GAB1: variants seen among roughly 807,000 people sequenced by gnomAD.
GAB1 encodes GRB2-associated-binding protein 1.
A neutral mutation model predicts 66.5 loss-of-function variants in GAB1; 19 were observed. The observed-to-expected ratio is 0.29, with a 90% CI of 0.20 to 0.42. The LOEUF (loss-of-function observed/expected upper bound fraction) is 0.42, where lower values mean the gene tolerates loss of function less well. Among genes scored for constraint, GAB1 ranks in the 10% least tolerant of loss-of-function variants. GAB1 has a pLI of 1.00. For synonymous variants in GAB1, 294 were observed against 301.4 expected (o/e 0.98, Z 0.25); for missense variants, 732 against 858.5 (o/e 0.85, Z 1.84).
chr4:143,407,432 A>AT (rs1286590669), intron 1 of GAB1, among the ~76,000 whole-genome samples: 1 of 151,868 alleles, frequency 6.6e-6, no homozygotes, highest in Admixed American at 6.6e-5. Flanking sequence ...GTCAAATTTG[A>AT]TTTTTTTCCT....
At chr4:143,442,394 C>A (rs916023620) in intron 6 of GAB1, among the ~76,000 whole-genome samples, 6 of 152,126 alleles carry the variant, frequency 3.9e-5, no homozygotes, top group African/African-American at 1.4e-4. Flanking sequence ...TCCTCTGCTG[C>A]TCTTTTCTCC....
At chr4:143,344,391 A>G (rs1274027322) in intron 1 of GAB1, among the ~76,000 whole-genome samples, 1 of 152,216 alleles carries the variant, frequency 6.6e-6, no homozygotes, top group Non-Finnish European at 1.5e-5. Flanking sequence ...TTAGAGCTCC[A>G]TCTGAATTTG....
In GAB1 at chr4:143,439,899, T is replaced by G; in HGVS notation, c.1281+12T>G. 6.3e-7 allele frequency: 1 copy of G among 1,586,738 alleles called. No individual in the cohort carries two copies. Among genetic ancestry groups the G allele is most frequent in the Non-Finnish European group, 8.7e-7 (1 of 1,155,068 alleles). On this transcript the variant is annotated intron_variant, in intron 5 of 9. Transcript: ENST00000262994. ...TCCATAACCACTTTGTAAGTATAAT[T>G]GACCTTGGCATCATCAAGTGTATTT...
chr4:143,439,016 C>T (rs1039702401), intron 4 of GAB1, among the ~76,000 whole-genome samples: 5 of 152,134 alleles, frequency 3.3e-5, no homozygotes, highest in African/African-American at 1.2e-4. Flanking sequence ...TCCTTCCTTC[C>T]TATATAAGCA....
chr4:143,411,376 T>C (rs1732381680), intron 1 of GAB1, among the ~76,000 whole-genome samples: 1 of 152,226 alleles, frequency 6.6e-6, no homozygotes, highest in Non-Finnish European at 1.5e-5. Flanking sequence ...AAATAAGTTT[T>C]TACATAGTCC....
intron 6 of GAB1, chr4:143,457,724 C>A: frequency 6.3e-7 from 1 of 1,576,158 alleles, no homozygotes; most frequent in Non-Finnish European, 8.6e-7. Context: ...TGGTTTAGAG[C>A]GAACTGATTC....
At chr4:143,395,284 C>G (rs1195892026) in intron 1 of GAB1, 4 of 152,188 alleles carry the variant, frequency 2.6e-5, no homozygotes, top group African/African-American at 9.6e-5. Flanking sequence ...ACCACTATCC[C>G]TCCAGCGGCT....
chr4:143,466,212 C>T lies in GAB1; in HGVS notation c.1913C>T (p.Thr638Ile). 1 of 1,613,722 alleles carries T rather than the reference C, an allele frequency of 6.2e-7. No individual in the cohort carries two copies. Among genetic ancestry groups the T allele is most frequent in the Non-Finnish European group, 8.5e-7 (1 of 1,179,708 alleles). ...LDLDLDSGKSTPPRKQKSSGS... is the reference protein window; with the variant it reads ...LDLDLDSGKSIPPRKQKSSGS... Reference sequence around the variant, plus strand: ...CTCGACTTAGATTCTGGGAAATCCACACCACCACGTAAGGTGAGTGACATG... The same window carrying T: ...CTCGACTTAGATTCTGGGAAATCCATACCACCACGTAAGGTGAGTGACATG... The change falls in exon 9 of 10, where the codon ACA (threonine) becomes ATA (isoleucine). Residue 638 changes from threonine (T) to isoleucine (I), a missense_variant. Transcript: ENST00000262994.
At chr4:143,424,814 G>T (rs2149732863) in intron 2 of GAB1, 3 of 328,072 alleles carry the variant, frequency 9.1e-6, no homozygotes, top group South Asian at 3.2e-5. Flanking sequence ...AGTTAGCTGG[G>T]CGTGGTGGCG....
At chr4:143,349,708 G>A (rs1341661871) in intron 1 of GAB1, 1 of 1,566,136 alleles carries the variant, frequency 6.4e-7, no homozygotes, top group Non-Finnish European at 8.7e-7. Flanking sequence ...CCCACAGATG[G>A]CGGTGGCCAC....
chr4:143,447,434 A>G (rs1157892290), intron 6 of GAB1, among the ~76,000 whole-genome samples: 2 of 152,154 alleles, frequency 1.3e-5, no homozygotes, highest in Non-Finnish European at 2.9e-5. Flanking sequence ...TGAGCATGGA[A>G]TGTTCTTCCA....
At chr4:143,413,291 A>G (rs1427053787) in intron 1 of GAB1, among the ~76,000 whole-genome samples, 1 of 152,122 alleles carries the variant, frequency 6.6e-6, no homozygotes, top group Non-Finnish European at 1.5e-5. Flanking sequence ...CTAAGAGATG[A>G]TATTTATTTA....
chr4:143,354,114 A>G (rs1729345814), intron 1 of GAB1, among the ~76,000 whole-genome samples: 1 of 152,146 alleles, frequency 6.6e-6, no homozygotes, highest in South Asian at 2.1e-4. Flanking sequence ...TTACTCAATC[A>G]AGGAAGGCTA....
At position 143,438,375 on chromosome 4, in the gene GAB1, C is replaced by T; in HGVS notation, c.970C>T (p.Pro324Ser). Residue 324 changes from proline to serine, a missense_variant, in exon 4 of 10, where the codon CCA becomes TCA. By Grantham distance (74) the Pro-to-Ser change is moderately conservative. This residue lies in a region of GAB1 where 427 missense variants were observed against 420.6 expected (regional missense o/e 1.02). Coordinates refer to ENST00000262994, the MANE Select transcript of GAB1 (RefSeq NM_002039.4). ...GNTYQIPRTF[P>S]EGTLGQTSKL... ...TACTTATCAGATTCCACGAACATTT[C>T]CAGAAGGAACCTTGGGACAGACATC... 6.2e-7 allele frequency: 1 copy of T among 1,614,068 alleles called. No homozygotes were observed. The highest frequency in any genetic ancestry group is 8.5e-7 in the Non-Finnish European group (1 of 1,179,982).
At chr4:143,397,171 T>G (rs767516601) in intron 1 of GAB1, among the ~76,000 whole-genome samples, 2 of 152,148 alleles carry the variant, frequency 1.3e-5, no homozygotes, top group Non-Finnish European at 2.9e-5. Flanking sequence ...TTGAGCAAGA[T>G]CTCTGCCGTC....
chr4:143,396,092 A>G, intron 1 of GAB1: 1 of 419,396 alleles, frequency 2.4e-6, no homozygotes, highest in Non-Finnish European at 4.8e-6. Flanking sequence ...TGATAAAGGT[A>G]GTTGGTGAGG....
chr4:143,355,239 G>C (rs1186043738), intron 1 of GAB1, among the ~76,000 whole-genome samples: 1 of 152,122 alleles, frequency 6.6e-6, no homozygotes, highest in Non-Finnish European at 1.5e-5. Flanking sequence ...GATAAGACTA[G>C]AACACAGCTT....
At chr4:143,411,750 C>G (rs944181879) in intron 1 of GAB1, among the ~76,000 whole-genome samples, 2 of 152,172 alleles carry the variant, frequency 1.3e-5, no homozygotes, top group African/African-American at 4.8e-5. Flanking sequence ...GTTCTCTTGT[C>G]GAGCATCAAG....
intron 1 of GAB1, among the ~76,000 whole-genome samples, chr4:143,371,289 C>T (rs1240958228): frequency 6.6e-6 from 1 of 152,170 alleles, no homozygotes; most frequent in Non-Finnish European, 1.5e-5. Context: ...TTGCATTTCT[C>T]TGATGGCCAG....
Sources: gnomAD v4.1 joint callset for allele counts (sites outside exome capture counted in the v4.1 genomes callset) on GRCh38, gnomAD v4.1.1 for gene constraint, gnomAD v4.1.1 regional missense constraint, MANE v1.5 for transcripts, NCBI Gene and HGNC (gene_info 2026-07-23, HGNC 2026-07-21) for gene names.